Variants in NME2 observed in about 807,000 individuals in gnomAD.
NME2 encodes the protein nucleoside diphosphate kinase B.
In NME2, 18 loss-of-function variants were observed where a neutral mutation model predicts 17.8. That is an observed-to-expected ratio of 1.01 (90% CI 0.70 to 1.50). The LOEUF (loss-of-function observed/expected upper bound fraction) is 1.50, where lower values mean the gene tolerates loss of function less well. NME2 is among the 40% of genes most tolerant of loss of function. The probability of loss-of-function intolerance (pLI) is 0.00; values close to 1 mark genes in which losing one functional copy is unlikely to be tolerated. For missense variants in NME2, 161 were observed against 195.6 expected (o/e 0.82, Z 1.05); for synonymous variants, 74 against 71.4 (o/e 1.04, Z -0.19).
rs769506819 is a variant in NME2 at position 51,169,928 on chromosome 17, A to G, written c.229-9A>G. ...GGTCTGATTATAAATCCATTTTCAC[A>G]CTTTCGAGGTCTGGGAGGGGCTGAA... On this transcript the variant is annotated splice_polypyrimidine_tract_variant and intron_variant, in intron 3 of 4. Coordinates refer to ENST00000512737, the MANE Select transcript of NME2 (RefSeq NM_002512.4). The G allele has an allele frequency of 1.2e-6, 2 of 1,613,078 alleles. No individual in the cohort carries two copies. The highest frequency in any genetic ancestry group is 2.2e-5 in the East Asian group (1 of 44,832).
In NME2 at chr17:51,168,339, C is replaced by T; in HGVS notation, c.224C>T (p.Ala75Val). The T allele has an allele frequency of 5.0e-6, 8 of 1,613,784 alleles. No individual in the cohort carries two copies. The highest frequency in any genetic ancestry group is 5.1e-6 in the Non-Finnish European group (6 of 1,179,816). Residue 75 changes from alanine to valine, a missense_variant, in exon 3 of 5, where the codon GCC (alanine) becomes GTC (valine). By Grantham distance (64) the Ala-to-Val change is moderately conservative. Transcript: ENST00000512737. ...TACATGAACTCAGGGCCGGTTGTGG[C>T]CATGGTGAGTGCTCGTGGGGAATGA... is the stretch of plus-strand genomic sequence containing the variant. ...VKYMNSGPVVAMVWEGLNVVK... is the reference protein window; with the variant it reads ...VKYMNSGPVVVMVWEGLNVVK...
intron 4 of NME2, among the ~76,000 whole-genome samples, chr17:51,170,815 C>T (rs1296508905): frequency 6.7e-6 from 1 of 148,838 alleles, no homozygotes; most frequent in Non-Finnish European, 1.5e-5. Context: ...AGCTTTCACA[C>T]ATAGCTTCTT....
At chr17:51,167,381 A>G (rs1422040594) in intron 2 of NME2, 1 of 234,602 alleles carries the variant, frequency 4.3e-6, no homozygotes, top group African/African-American at 2.4e-5. Context: ...AGCATAGGGT[A>G]GTGAGTGTAT....
At chr17:51,170,097 A>G in intron 4 of NME2, 48 bp downstream of exon 4, 2 of 1,434,944 alleles carry the variant, frequency 1.4e-6, no homozygotes, top group Non-Finnish European at 1.9e-6. Flanking sequence ...AACACCATTT[A>G]AAGCAGACGT....
chr17:51,167,173 T>C, intron 2 of NME2: 1 of 1,070,686 alleles, frequency 9.3e-7, no homozygotes, highest in Non-Finnish European at 1.3e-6. Flanking sequence ...GTAGCGTGAC[T>C]CGCCCTCCGG....
At chr17:51,169,461 T>A (rs8077919) in intron 3 of NME2, 21,573 of 150,190 alleles carry the variant, frequency 0.14, 3,066 homozygotes, top group African/African-American at 0.37. Flanking sequence ...AAAAAAAAAT[T>A]GGAGAGAGTA....
At chr17:51,167,520 G>A (rs1035005520) in intron 2 of NME2, among the ~76,000 whole-genome samples, 1 of 152,208 alleles carries the variant, frequency 6.6e-6, no homozygotes, top group East Asian at 1.9e-4. Flanking sequence ...ATTTAAAAGG[G>A]CATTGTGAGT....
chr17:51,168,331 G>T lies in NME2; in HGVS notation c.216G>T (p.Pro72=), dbSNP rs761890059. Residue 72 remains proline (P), a synonymous_variant, in exon 3 of 5, where the codon CCG becomes CCT. Transcript: ENST00000512737. ...PGLVKYMNSG[P]VVAMVWEGLN... The stretch of plus-strand genomic sequence containing the variant: ...TGGTGAAGTACATGAACTCAGGGCC[G>T]GTTGTGGCCATGGTGAGTGCTCGTG... 2.5e-5 allele frequency: 41 copies of T among 1,613,800 alleles called. No homozygotes were observed. The highest frequency in any genetic ancestry group is 1.6e-4 in the South Asian group (15 of 91,062).
At chr17:51,171,434 A>G (rs1349618538) in intron 4 of NME2, 53 bp from the exon 5 acceptor site, 1 of 1,554,004 alleles carries the variant, frequency 6.4e-7, no homozygotes, top group Non-Finnish European at 8.8e-7. Flanking sequence ...GTACCCATTA[A>G]ACAGACTTTT....
intron 4 of NME2, among the ~76,000 whole-genome samples, chr17:51,170,707 A>G (rs1700130827): frequency 6.6e-6 from 1 of 151,048 alleles, no homozygotes; most frequent in Admixed American, 6.6e-5. Flanking sequence ...GAATCGCTTG[A>G]ACCTGGGAGG....
At chr17:51,169,796 C>A (rs1259302569) in intron 3 of NME2, 141 bp from the exon 4 acceptor site, 2 of 711,302 alleles carry the variant, frequency 2.8e-6, no homozygotes, top group Admixed American at 6.0e-5. Flanking sequence ...TTTATATAGG[C>A]CCCTACTCTC....
At chr17:51,166,770 TC>T in intron 1 of NME2, 56 bp from the exon 2 acceptor site, 2 of 1,494,990 alleles carry the variant, frequency 1.3e-6, no homozygotes, top group South Asian at 2.5e-5. Context: ...CCACGTGGCC[TC>T]CGCGGGCCCC....
intron 3 of NME2, among the ~76,000 whole-genome samples, chr17:51,169,231 A>G (rs1055142238): frequency 6.6e-6 from 1 of 151,954 alleles, no homozygotes; most frequent in Non-Finnish European, 1.5e-5. Flanking sequence ...TTACAAGGTC[A>G]GGAGTTCAAG....
At chr17:51,168,871 G>T (rs564211230) in intron 3 of NME2, among the ~76,000 whole-genome samples, 5 of 151,006 alleles carry the variant, frequency 3.3e-5, no homozygotes, top group Admixed American at 2.0e-4. Flanking sequence ...GCTGAAGCAC[G>T]AGAATCGCTT....
At chr17:51,167,144 T>A in intron 2 of NME2, 188 bp downstream of exon 2, 1 of 1,289,736 alleles carries the variant, frequency 7.8e-7, no homozygotes. Flanking sequence ...ACAGACGCCC[T>A]TGGGAAGGTG....
intron 4 of NME2, among the ~76,000 whole-genome samples, chr17:51,170,371 C>T (rs1236471780): frequency 1.3e-5 from 2 of 151,802 alleles, no homozygotes; most frequent in East Asian, 3.9e-4. Context: ...AACTCCTGAC[C>T]TCAGGTGATC....
Position 51,170,063 on chromosome 17 carries a change from C to T in NME2, c.341+14C>T. The stretch of plus-strand genomic sequence containing the variant: ...TCAGGTTGGCAGGTAAGTCCGGGGA[C>T]AGGAGGGTGGATGACTTTTATGCAA... On this transcript the variant is annotated intron_variant, in intron 4 of 4. Transcript: ENST00000512737. 6.3e-7 allele frequency: 1 copy of T among 1,595,674 alleles called. No homozygotes were observed. The highest frequency in any genetic ancestry group is 8.5e-7 in the Non-Finnish European group (1 of 1,171,038).
In NME2 at chr17:51,166,915, G is replaced by C; in HGVS notation, c.85G>C (p.Glu29Gln). 1 of 1,613,792 alleles carries C rather than the reference G, an allele frequency of 6.2e-7. No individual in the cohort carries two copies. The highest frequency in any genetic ancestry group is 8.5e-7 in the Non-Finnish European group (1 of 1,179,858). Reference sequence around the variant, plus strand: ...GGTGGGCGAGATCATCAAGCGCTTCGAGCAGAAGGGATTCCGCCTCGTGGC... The same window carrying C: ...GGTGGGCGAGATCATCAAGCGCTTCCAGCAGAAGGGATTCCGCCTCGTGGC... Reference protein sequence around the residue: ...GLVGEIIKRFEQKGFRLVAMK... With the variant: ...GLVGEIIKRFQQKGFRLVAMK... The change falls in exon 2 of 5, where the codon GAG becomes CAG. Residue 29 changes from glutamate to glutamine, a missense_variant. Physicochemically the swap from Glu to Gln is conservative, Grantham distance 29. Transcript: ENST00000512737.
chr17:51,168,791 TC>T (rs2050003183), intron 3 of NME2, among the ~76,000 whole-genome samples: 1 of 151,942 alleles, frequency 6.6e-6, no homozygotes, highest in African/African-American at 2.4e-5. Context: ...ATGCCTGTAA[TC>T]CCAGCGCTTT....
Sources: gnomAD v4.1 joint callset for allele counts (sites outside exome capture counted in the v4.1 genomes callset) on GRCh38, gnomAD v4.1.1 for gene constraint, MANE v1.5 for transcripts, NCBI Gene and HGNC (gene_info 2026-07-23, HGNC 2026-07-21) for gene names.